The following FBXL6 variants were observed in gnomAD, a reference collection of about 807,000 sequenced individuals.
FBXL6 encodes the protein F-box and leucine rich repeat protein 6, also known as F-box/LRR-repeat protein 6.
A neutral mutation model predicts 53.3 loss-of-function variants in FBXL6; 50 were observed. That is an observed-to-expected ratio of 0.94 (90% CI 0.75 to 1.19). The LOEUF is 1.19. FBXL6 is among the 50% of genes most tolerant of loss of function. FBXL6 has a pLI of 0.00. For synonymous variants in FBXL6, 405 were observed against 322.9 expected, an observed-to-expected ratio of 1.25 and a Z score of -2.73; for missense variants, 815 against 719.0, an observed-to-expected ratio of 1.13 and a Z score of -1.53.
At position 144,357,469 on chromosome 8, in the gene FBXL6, G is replaced by A. The variant is rs1818509760; in HGVS notation, c.609C>T (p.His203=). 4 of 1,613,386 alleles carry A rather than the reference G, an allele frequency of 2.5e-6. No homozygotes were observed. The highest frequency in any genetic ancestry group is 1.1e-5 in the South Asian group (1 of 91,032). Residue 203 remains histidine, a synonymous_variant, in exon 3 of 9, where the codon CAC becomes CAT. Coordinates refer to ENST00000331890, the MANE Select transcript of FBXL6 (RefSeq NM_012162.4). ...ACACGGGGTGTACCTGAGACTTCCAGTGGATGAGGGTCAGCCTCTGGAGCT... is the reference window on the plus strand; with the variant it reads ...ACACGGGGTGTACCTGAGACTTCCAATGGATGAGGGTCAGCCTCTGGAGCT... The part of the protein sequence containing the change: ...FSQLQRLTLI[H]WKSQVHPVLK...
intron 3 of FBXL6, 26 bp downstream of exon 3, chr8:144,357,413 T>C (rs552971680): frequency 6.9e-6 from 11 of 1,604,934 alleles, no homozygotes; most frequent in Non-Finnish European, 9.4e-6. Context: ...TCACAGCTGA[T>C]GTGCAGGACA....
rs150030093 is a variant in FBXL6 at position 144,357,096 on chromosome 8, A to G, written c.665T>C (p.Leu222Pro). ...LKLVGECCPR[L>P]TFLKLSGCHG... ...GCAGCCGGAGAGCTTGAGGAAAGTG[A>G]GCCGAGGACAGCACTCACCTACCAG... Residue 222 changes from leucine (L) to proline (P), a missense_variant, in exon 4 of 9, where the codon CTC becomes CCC. By Grantham distance (98) the Leu-to-Pro change is moderately conservative. Coordinates refer to ENST00000331890, the MANE Select transcript of FBXL6 (RefSeq NM_012162.4). 1.9e-6 allele frequency: 3 copies of G among 1,612,786 alleles called. No homozygotes were observed. The African/African-American group carries it at 4.0e-5, about 22-fold the overall frequency.
Position 144,358,171 on chromosome 8 carries a change from G to C in FBXL6, c.277C>G (p.Pro93Ala). Residue 93 changes from proline (P) to alanine (A), a missense_variant, in exon 1 of 9, where the codon CCC becomes GCC. Coordinates refer to ENST00000331890, the MANE Select transcript of FBXL6 (RefSeq NM_012162.4). Reference sequence around the variant, plus strand: ...GGCGTGGGTGCCGGTGCGGGTGCGGGCGCGGCCGCCGCCTCGGACCTGAGC... The same window carrying C: ...GGCGTGGGTGCCGGTGCGGGTGCGGCCGCGGCCGCCGCCTCGGACCTGAGC... ...AGLRSEAAAA[P>A]APAPAPTPTP... 1 of 1,482,756 alleles carries C rather than the reference G, an allele frequency of 6.7e-7. No individual in the cohort carries two copies. The highest frequency in any genetic ancestry group is 8.9e-7 in the Non-Finnish European group (1 of 1,124,474). 91.8% of individuals were successfully genotyped at this position (1,482,756 alleles called of 1,614,324 possible).
In FBXL6 at chr8:144,355,695, C is replaced by A. The variant is rs1554852598; in HGVS notation, c.1473-17G>T. On this transcript the variant is annotated splice_polypyrimidine_tract_variant and intron_variant, in intron 8 of 8. Coordinates refer to ENST00000331890, the MANE Select transcript of FBXL6 (RefSeq NM_012162.4). ...ATCACAGAGCTGTGGGGAGGGCAGA[C>A]CACAGGAAGTTGAGCTGTTGCCTCA... The A allele has an allele frequency of 6.2e-7, 1 of 1,609,330 alleles. No homozygotes were observed. The highest frequency in any genetic ancestry group is 1.7e-5 in the Admixed American group (1 of 59,886).
chr8:144,356,063 C>G lies in FBXL6; in HGVS notation c.1377G>C (p.Gln459His), dbSNP rs1818390924. The G allele has an allele frequency of 6.2e-7, 1 of 1,612,880 alleles. No individual in the cohort carries two copies. The highest frequency in any genetic ancestry group is 8.5e-7 in the Non-Finnish European group (1 of 1,180,022). ...GQGFSEKDLE[Q>H]ALAAFLSTPG... ...GGGTGCTTAAGAAGGCAGCCAGGGC[C>G]TGCTCCAGGTCCTTCTCACTGAACC... The change falls in exon 8 of 9, where the codon CAG becomes CAC. Residue 459 changes from glutamine to histidine, a missense_variant. Physicochemically the swap from Gln to His is conservative, Grantham distance 24. Coordinates refer to ENST00000331890, the MANE Select transcript of FBXL6 (RefSeq NM_012162.4).
chr8:144,357,931 G>A, intron 1 of FBXL6, 101 bp downstream of exon 1: 1 of 1,449,742 alleles, frequency 6.9e-7, no homozygotes, highest in Non-Finnish European at 9.0e-7. Context: ...TGAGCGGTGC[G>A]CGCTCCGATG....
Position 144,357,717 on chromosome 8 carries a change from C to T in FBXL6, c.486G>A (p.Leu162=). The T allele has an allele frequency of 6.2e-7, 1 of 1,608,946 alleles. No individual in the cohort carries two copies. The highest frequency in any genetic ancestry group is 8.5e-7 in the Non-Finnish European group (1 of 1,178,542). The change falls in exon 2 of 9, where the codon CTG becomes CTA. Residue 162 remains leucine, a synonymous_variant. Coordinates refer to ENST00000331890, the MANE Select transcript of FBXL6 (RefSeq NM_012162.4). ...CAGGCCGGCCGACCAGCGGGGACGA[C>T]AGGGTCACGGTGTGCCAGAGCGCGG... The part of the protein sequence containing the change: ...SQPALWHTVT[L]SSPLVGRPAK...
At position 144,357,910 on chromosome 8, in the gene FBXL6, C is replaced by A. The variant is rs1554853308; in HGVS notation, c.416+122G>T. On this transcript the variant is annotated intron_variant, in intron 1 of 8. Coordinates refer to ENST00000331890, the MANE Select transcript of FBXL6 (RefSeq NM_012162.4). ...CTCCAACTGGGCGCCTAAGGGGCTGCGCTCTCGGACTGAGCGGTGCGCGCT... is the reference window on the plus strand; with the variant it reads ...CTCCAACTGGGCGCCTAAGGGGCTGAGCTCTCGGACTGAGCGGTGCGCGCT... 1.6e-5 allele frequency: 23 copies of A among 1,440,616 alleles called. No individual in the cohort carries two copies. In the Middle Eastern group the frequency reaches 8.6e-4, roughly 54 times the overall value. The allele number at this position is 1,440,616 out of a possible 1,614,324, so 89.2% of individuals were successfully genotyped here. A position where few individuals can be genotyped will look rare whatever the true frequency, so the allele number is the denominator to read the frequency against.
In FBXL6 at chr8:144,358,136, C is replaced by T; in HGVS notation, c.312G>A (p.Glu104=). 6.4e-7 allele frequency: 1 copy of T among 1,565,474 alleles called. No individual in the cohort carries two copies. The highest frequency in any genetic ancestry group is 1.1e-5 in the South Asian group (1 of 87,496). Residue 104 remains glutamate (E), a synonymous_variant, in exon 1 of 9, where the codon GAG becomes GAA. Transcript: ENST00000331890. ...CTCCCCAGCCCGCGTCGGGCCCTTCCTCGGGCGTGGGCGTGGGTGCCGGTG... is the reference window on the plus strand; with the variant it reads ...CTCCCCAGCCCGCGTCGGGCCCTTCTTCGGGCGTGGGCGTGGGTGCCGGTG... ...APAPAPTPTP[E]EGPDAGWGDR... is the part of the protein sequence containing the mutation.
rs782385907 is a variant in FBXL6 at position 144,356,159 on chromosome 8, G to A, written c.1281C>T (p.Ala427=). The stretch of plus-strand genomic sequence containing the variant: ...GGGTCAAAAAGGGGCTGCCCTCCTT[G>A]GCTAGAGTCAGCCGGTCTGACGTGC... The part of the protein sequence containing the change: ...LYGTSDRLTL[A]KEGSPFLTQK... Residue 427 remains alanine (A), a synonymous_variant, in exon 8 of 9, where the codon GCC becomes GCT. Coordinates refer to ENST00000331890, the MANE Select transcript of FBXL6 (RefSeq NM_012162.4). 2 of 1,612,790 alleles carry A rather than the reference G, an allele frequency of 1.2e-6. No individual in the cohort carries two copies. The highest frequency in any genetic ancestry group is 1.7e-5 in the Admixed American group (1 of 60,012).
Position 144,358,462 on chromosome 8 carries a change from C to G in FBXL6, c.-15G>C, listed in dbSNP as rs183286864. The G allele has an allele frequency of 2.4e-5, 30 of 1,236,624 alleles. No homozygotes were observed. The highest frequency in any genetic ancestry group is 2.9e-5 in the Non-Finnish European group (29 of 990,356). 76.6% of individuals were successfully genotyped at this position (1,236,624 alleles called of 1,614,324 possible). On this transcript the variant is annotated 5_prime_UTR_variant, in exon 1 of 9. Coordinates refer to ENST00000331890, the MANE Select transcript of FBXL6 (RefSeq NM_012162.4). ...GGGGCAGCCATGACCACCGACGGCG[C>G]TCGGGGAAGCCCCAGGGAGCGGAAC...
chr8:144,357,018 A>G lies in FBXL6; in HGVS notation c.743T>C (p.Leu248Pro), dbSNP rs1554852999. 3.1e-6 allele frequency: 5 copies of G among 1,612,960 alleles called. No individual in the cohort carries two copies. Among genetic ancestry groups the G allele is most frequent in the Non-Finnish European group, 4.2e-6 (5 of 1,180,004 alleles). The change falls in exon 4 of 9, where the codon CTC becomes CCC. Residue 248 changes from leucine to proline, a missense_variant. Physicochemically the swap from Leu to Pro is moderately conservative, Grantham distance 98 (BLOSUM62 -3). Coordinates refer to ENST00000331890, the MANE Select transcript of FBXL6 (RefSeq NM_012162.4). The part of the protein sequence containing the change: ...LVMLAKACCQ[L>P]HSLDLQHSMV... ...GGAGTGCTGTAGGTCCAGGCTATGG[A>G]GCTGGCAGCAGGCTTTGGCTAGCAT... is the stretch of plus-strand genomic sequence containing the variant.
intron 2 of FBXL6, 32 bp downstream of exon 2, chr8:144,357,596 G>A (rs782449940): frequency 8.7e-6 from 14 of 1,606,806 alleles, no homozygotes; most frequent in African/African-American, 1.3e-5. Flanking sequence ...GGAGCCTGGA[G>A]CCAGGGGTAA....
In FBXL6 at chr8:144,355,681, G is replaced by A. The variant is rs1232094993; in HGVS notation, c.1473-3C>T. On this transcript the variant is annotated splice_region_variant and splice_polypyrimidine_tract_variant and intron_variant, in intron 8 of 8. Transcript: ENST00000331890. ...CCGGGCAGCCGCTGATCACAGAGCT[G>A]TGGGGAGGGCAGACCACAGGAAGTT... The A allele has an allele frequency of 3.1e-6, 5 of 1,610,360 alleles. No individual in the cohort carries two copies. The highest frequency in any genetic ancestry group is 4.2e-6 in the Non-Finnish European group (5 of 1,179,686).
chr8:144,356,419 T>C lies in FBXL6; in HGVS notation c.1106A>G (p.Asn369Ser), dbSNP rs782251723. ...GCCCAGGACCTCGTTGCTCACAAAG[T>C]TGCAGGTTGAGCTCGCCAGGCAGAG... ...EELCLASSTC[N>S]FVSNEVLGRL... The change falls in exon 7 of 9, where the codon AAC becomes AGC. Residue 369 changes from asparagine (N) to serine (S), a missense_variant. Transcript: ENST00000331890. The C allele has an allele frequency of 1.9e-6, 3 of 1,612,924 alleles. No homozygotes were observed. The highest frequency in any genetic ancestry group is 1.3e-5 in the African/African-American group (1 of 74,920).
Position 144,355,544 on chromosome 8 carries a change from G to C in FBXL6, c.1607C>G (p.Pro536Arg), listed in dbSNP as rs1554852504. The part of the protein sequence containing the change: ...QWCLEQLLTS[P>R]SPS ...GTCTGTGGCTGCCTAGCTGGGTGAG[G>C]GGCTGGTGAGCAGCTGCTCCAGACA... Residue 536 changes from proline (P) to arginine (R), a missense_variant, in exon 9 of 9, where the codon CCC becomes CGC. Physicochemically the swap from Pro to Arg is moderately radical, Grantham distance 103 (BLOSUM62 -2). Transcript: ENST00000331890. 2 of 1,610,162 alleles carry C rather than the reference G, an allele frequency of 1.2e-6. No homozygotes were observed. Among genetic ancestry groups the C allele is most frequent in the South Asian group, 2.2e-5 (2 of 90,996 alleles).
chr8:144,356,999 C>T lies in FBXL6; in HGVS notation c.762G>A (p.Gln254=), dbSNP rs1031898859. The T allele has an allele frequency of 6.8e-6, 11 of 1,612,886 alleles. No individual in the cohort carries two copies. The Admixed American group carries it at 1.7e-4, about 24-fold the overall frequency. ...GGGACACAGGGCTCACCATGGAGTG[C>T]TGTAGGTCCAGGCTATGGAGCTGGC... ...ACCQLHSLDL[Q]HSMVESTAVV... is the part of the protein sequence containing the mutation. Residue 254 remains glutamine (Q), a synonymous_variant, in exon 4 of 9, where the codon CAG becomes CAA. Transcript: ENST00000331890.
At chr8:144,357,199 T>C (rs1564649985) in intron 3 of FBXL6, 78 bp from the exon 4 acceptor site, 21 of 1,579,084 alleles carry the variant, frequency 1.3e-5, no homozygotes, top group Non-Finnish European at 1.7e-5. Flanking sequence ...AAGTGGCTGG[T>C]GCCAACCCCA....
At position 144,356,657 on chromosome 8, in the gene FBXL6, A is replaced by G; in HGVS notation, c.936T>C (p.Asn312=). ...CGACAGGCAGCTGAAGGGGAATGCT[A>G]TTACGGTTGATGCCGGTGCTCACCT... ...VLEVSTGINR[N]SIPLQLPVEA... Residue 312 remains asparagine (N), a synonymous_variant, in exon 6 of 9, where the codon AAT becomes AAC. Coordinates refer to ENST00000331890, the MANE Select transcript of FBXL6 (RefSeq NM_012162.4). The G allele has an allele frequency of 6.2e-7, 1 of 1,612,680 alleles. No individual in the cohort carries two copies. The highest frequency in any genetic ancestry group is 8.5e-7 in the Non-Finnish European group (1 of 1,179,944).
Sources: gnomAD v4.1 joint callset for allele counts on GRCh38, gnomAD v4.1.1 for gene constraint, MANE v1.5 for transcripts, NCBI Gene and HGNC (gene_info 2026-07-23, HGNC 2026-07-21) for gene names.